The following TMEM67 variants were observed in gnomAD, a reference collection of about 807,000 sequenced individuals.
The protein encoded by TMEM67 is transmembrane protein 67.
TMEM67 carries 124 observed loss-of-function variants against 136.6 expected under a neutral mutation model. The observed-to-expected ratio is 0.91, with a 90% CI of 0.78 to 1.05. The LOEUF is 1.05. Ranked by LOEUF, TMEM67 falls within the 50% of genes least tolerant of loss-of-function variation. The probability of loss-of-function intolerance (pLI) is 0.00; values close to 1 mark genes in which losing one functional copy is unlikely to be tolerated. For synonymous variants in TMEM67, 364 were observed against 390.5 expected (o/e 0.93, Z 0.80); for missense variants, 1,107 against 1,178.4 (o/e 0.94, Z 0.89).
In TMEM67 at chr8:93,772,554, G is replaced by T; in HGVS notation, c.652-35G>T. 3.3e-6 allele frequency: 5 copies of T among 1,537,138 alleles called. No homozygotes were observed. The South Asian group carries it at 5.6e-5, about 17-fold the overall frequency. ...AACAATATGCATATTGGAGTCATTT[G>T]AACTTAAAAATAAAATGTATCTTTT... On this transcript the variant is annotated intron_variant, in intron 6 of 27. Coordinates refer to ENST00000453321, the MANE Select transcript of TMEM67 (RefSeq NM_153704.6).
Position 93,763,915 on chromosome 8 carries a change from T to C in TMEM67, c.480T>C (p.Phe160=). ...TCTGTGATGGAAATGAAAACTCTTT[T>C]ATGGTAGTAAATGCTTTAGGAGACA... The part of the protein sequence containing the change: ...CELCDGNENS[F]MVVNALGDRC... The change falls in exon 4 of 28, where the codon TTT becomes TTC. Residue 160 remains phenylalanine, a synonymous_variant. Coordinates refer to ENST00000453321, the MANE Select transcript of TMEM67 (RefSeq NM_153704.6). 1 of 1,613,592 alleles carries C rather than the reference T, an allele frequency of 6.2e-7. No homozygotes were observed. The highest frequency in any genetic ancestry group is 8.5e-7 in the Non-Finnish European group (1 of 1,179,562).
chr8:93,773,161 T>G (rs1323036194), intron 7 of TMEM67, among the ~76,000 whole-genome samples: 1 of 152,166 alleles, frequency 6.6e-6, no homozygotes, highest in African/African-American at 2.4e-5. Context: ...GTGAGCCATG[T>G]AAACATCAAG....
intron 3 of TMEM67, chr8:93,759,255 A>G (rs1812713531): frequency 6.6e-6 from 1 of 152,080 alleles, no homozygotes; most frequent in African/African-American, 2.4e-5. Flanking sequence ...TGAGCTCAAG[A>G]GTTTGAGACC....
intron 2 of TMEM67, among the ~76,000 whole-genome samples, chr8:93,757,820 G>A (rs1177256266): frequency 4.0e-5 from 6 of 151,404 alleles, no homozygotes; most frequent in Middle Eastern, 3.4e-3. Context: ...GAGTGCAGTG[G>A]CACGATCTCA....
intron 2 of TMEM67, among the ~76,000 whole-genome samples, chr8:93,758,035 CG>C (rs1812660389): frequency 6.6e-6 from 1 of 152,182 alleles, no homozygotes; most frequent in African/African-American, 2.4e-5. Context: ...GAATTACAGA[CG>C]TGAGCCACTG....
chr8:93,786,072 TAA>T, intron 12 of TMEM67, 149 bp from the exon 13 acceptor site: 1 of 712,622 alleles, frequency 1.4e-6, no homozygotes, highest in Non-Finnish European at 2.3e-6. Flanking sequence ...AGACCCTGTC[TAA>T]AAAAAACAAA....
At position 93,799,652 on chromosome 8, in the gene TMEM67, C is replaced by G; in HGVS notation, c.2135C>G (p.Ser712Ter). 1 of 1,613,858 alleles carries G rather than the reference C, an allele frequency of 6.2e-7. No homozygotes were observed. Among genetic ancestry groups the G allele is most frequent in the Non-Finnish European group, 8.5e-7 (1 of 1,179,864 alleles). ...VGFKNLALMD[S>*]SSSLSRNPPS... ...TTCAAGAACTTAGCATTAATGGACTCATCTTCTAGTCTTTCTAGAAACCCA... is the reference window on the plus strand; with the variant it reads ...TTCAAGAACTTAGCATTAATGGACTGATCTTCTAGTCTTTCTAGAAACCCA... Residue 712 changes from serine to a stop codon, truncating the protein, a stop_gained, in exon 21 of 28, where the codon TCA becomes TGA. Transcript: ENST00000453321. LOFTEE classifies it high-confidence loss of function.
chr8:93,808,539 A>ATAG (rs1808555176), intron 23 of TMEM67, among the ~76,000 whole-genome samples: 39 of 89,924 alleles, frequency 4.3e-4, no homozygotes, highest in Non-Finnish European at 7.9e-4. Context: ...ATATATCTAT[A>ATAG]ATCTATATAT....
Position 93,782,341 on chromosome 8 carries a change from G to A in TMEM67, c.1066-54G>A, listed in dbSNP as rs370525669. The A allele has an allele frequency of 4.5e-5, 63 of 1,404,790 alleles. No individual in the cohort carries two copies. In the African/African-American group the frequency reaches 7.2e-4, roughly 16 times the overall value. 87.0% of individuals were successfully genotyped at this position (1,404,790 alleles called of 1,614,324 possible). ...CATGTTCGGGTTTGAGAACTCTTGA[G>A]TATAAGAATAGAAAACATTTGTGAG... On this transcript the variant is annotated intron_variant, in intron 10 of 27. Coordinates refer to ENST00000453321, the MANE Select transcript of TMEM67 (RefSeq NM_153704.6).
At chr8:93,757,341 C>G (rs868814284) in intron 2 of TMEM67, among the ~76,000 whole-genome samples, 12 of 151,772 alleles carry the variant, frequency 7.9e-5, no homozygotes, top group African/African-American at 2.4e-4. Context: ...CATACTTTAT[C>G]AAAAACCTTT....
At chr8:93,820,019 G>C (rs549243554), downstream of TMEM67, among the ~76,000 whole-genome samples, 1 of 152,168 alleles carries the variant, frequency 6.6e-6, no homozygotes, top group African/African-American at 2.4e-5. Context: ...ACCAGGTAAC[G>C]GGCAACTAGG....
chr8:93,785,096 G>T, intron 11 of TMEM67, 126 bp from the exon 12 acceptor site: 2 of 718,188 alleles, frequency 2.8e-6, no homozygotes, highest in South Asian at 3.4e-5. Flanking sequence ...TGCAAAACTA[G>T]AAAAACACTC....
At chr8:93,754,893 T>A, upstream of TMEM67, 1 of 1,606,342 alleles carries the variant, frequency 6.2e-7, no homozygotes, top group Non-Finnish European at 8.5e-7. Context: ...CTGGAGGCTG[T>A]GAGGCTTCCA....
At chr8:93,788,770 GTT>G (rs753306457) in intron 14 of TMEM67, among the ~76,000 whole-genome samples, 3 of 152,184 alleles carry the variant, frequency 2.0e-5, no homozygotes, top group Non-Finnish European at 4.4e-5. Flanking sequence ...AGCCAAATAG[GTT>G]TCCCACTACT....
chr8:93,768,747 C>T (rs1813194269), intron 6 of TMEM67, among the ~76,000 whole-genome samples: 1 of 151,898 alleles, frequency 6.6e-6, no homozygotes, highest in African/African-American at 2.4e-5. Context: ...GTTCATTATC[C>T]TCAATTTATT....
At chr8:93,822,806 A>G (rs1163384660), downstream of TMEM67, among the ~76,000 whole-genome samples, 1 of 152,218 alleles carries the variant, frequency 6.6e-6, no homozygotes, top group African/African-American at 2.4e-5. Flanking sequence ...TGGGATCACA[A>G]AACAGGTCAT....
Position 93,781,733 on chromosome 8 carries a change from G to A in TMEM67, c.1054G>A (p.Gly352Ser). Residue 352 changes from glycine to serine, a missense_variant, in exon 10 of 28, where the codon GGT (glycine) becomes AGT (serine). Gly to Ser is a moderately conservative substitution (Grantham distance 56). Coordinates refer to ENST00000453321, the MANE Select transcript of TMEM67 (RefSeq NM_153704.6). Reference protein sequence around the residue: ...NFLKWQTLEGGVLQLCPDTET... With the variant: ...NFLKWQTLEGSVLQLCPDTET... ...TCTCAAGTGGCAAACTTTAGAAGGA[G>A]GTGTTTTACAGGTAAGCATGATTCT... 6.2e-7 allele frequency: 1 copy of A among 1,601,352 alleles called. No homozygotes were observed. The highest frequency in any genetic ancestry group is 1.3e-5 in the African/African-American group (1 of 74,694).
chr8:93,775,869 G>GT (rs1194445744), intron 7 of TMEM67, among the ~76,000 whole-genome samples: 2 of 152,128 alleles, frequency 1.3e-5, no homozygotes, highest in Non-Finnish European at 2.9e-5. Context: ...CTTTACAGTA[G>GT]TTTTTTCCAA....
chr8:93,755,751 C>CTT (rs587779735), intron 1 of TMEM67, 27 bp from the exon 2 acceptor site: 8,322 of 629,278 alleles, frequency 0.013, 19 homozygotes, highest in South Asian at 0.03. Flanking sequence ...ATAAAATTGG[C>CTT]TTTTTTTTTT....
Sources: allele counts gnomAD v4.1 joint callset (sites outside exome capture counted in the v4.1 genomes callset), GRCh38; gene constraint gnomAD v4.1.1; transcripts MANE v1.5; gene names NCBI Gene and HGNC (gene_info 2026-07-23, HGNC 2026-07-21).